The following VPS37A variants were observed in gnomAD, a reference collection of about 807,000 sequenced individuals.
VPS37A encodes vacuolar protein sorting-associated protein 37A.
A neutral mutation model predicts 49.8 loss-of-function variants in VPS37A; 30 were observed. The observed-to-expected ratio is 0.60, with a 90% CI of 0.45 to 0.82. VPS37A has a LOEUF of 0.82. Among genes scored for constraint, VPS37A ranks in the 40% least tolerant of loss-of-function variants. VPS37A has a pLI of 0.00. For synonymous variants in VPS37A, 195 were observed against 160.6 expected, an observed-to-expected ratio of 1.21 and a Z score of -1.62; for missense variants, 593 against 464.4, an observed-to-expected ratio of 1.28 and a Z score of -2.55.
the VPS37A span, among the ~76,000 whole-genome samples, chr8:17,311,065 A>T: frequency 6.6e-6 from 1 of 152,186 alleles, no homozygotes; most frequent in Non-Finnish European, 1.5e-5. Context: ...AGGACTACTT[A>T]AAAAACATAC....
At position 17,247,293 on chromosome 8, in the gene VPS37A, G is replaced by A. The variant is rs934957631; in HGVS notation, c.49G>A (p.Gly17Arg). The A allele has an allele frequency of 6.4e-7, 1 of 1,565,554 alleles. No homozygotes were observed. The highest frequency in any genetic ancestry group is 8.7e-7 in the Non-Finnish European group (1 of 1,155,184). Residue 17 changes from glycine to arginine, a missense_variant, in exon 1 of 12, where the codon GGG (glycine) becomes AGG (arginine). Coordinates refer to ENST00000324849, the MANE Select transcript of VPS37A (RefSeq NM_152415.3). Reference protein sequence around the residue: ...LTKSASSSAAGSPGGLTSLQQ... With the variant: ...LTKSASSSAARSPGGLTSLQQ... ...CAAGAGCGCCTCCTCCTCCGCGGCTGGGTCCCCCGGTGGCCTCACCAGCCT... is the reference window on the plus strand; with the variant it reads ...CAAGAGCGCCTCCTCCTCCGCGGCTAGGTCCCCCGGTGGCCTCACCAGCCT...
downstream of VPS37A, chr8:17,300,010 C>G (rs748601938): frequency 3.7e-6 from 6 of 1,614,008 alleles, no homozygotes; most frequent in Non-Finnish European, 5.1e-6. Flanking sequence ...TGGATCTGAA[C>G]TTTTCAGATT....
At chr8:17,267,903 G>A (rs1307814980) in intron 2 of VPS37A, among the ~76,000 whole-genome samples, 1 of 152,036 alleles carries the variant, frequency 6.6e-6, no homozygotes, top group African/African-American at 2.4e-5. Context: ...TAGCCAGACT[G>A]GACTAGTATG....
intron 4 of VPS37A, chr8:17,272,161 C>T (rs1198925655): frequency 4.5e-6 from 2 of 445,542 alleles, no homozygotes; most frequent in Non-Finnish European, 9.0e-6. Context: ...CTCAAAGGCC[C>T]ACCAGGCTCC....
At chr8:17,247,463 C>A (rs1326675559) in intron 1 of VPS37A, 94 bp downstream of exon 1, 1 of 1,472,486 alleles carries the variant, frequency 6.8e-7, no homozygotes, top group Non-Finnish European at 9.1e-7. Flanking sequence ...CTGCTCCCCA[C>A]CAGCTCCTCA....
At position 17,247,805 on chromosome 8, in the gene VPS37A, C is replaced by A. The variant is rs909036142; in HGVS notation, c.125+436C>A. 1.6e-5 allele frequency: 11 copies of A among 701,458 alleles called. No individual in the cohort carries two copies. In the Admixed American group the frequency reaches 2.2e-4, roughly 14 times the overall value. 43.5% of individuals were successfully genotyped at this position (701,458 alleles called of 1,614,324 possible). A position where few individuals can be genotyped will look rare whatever the true frequency, so the allele number is the denominator to read the frequency against. The stretch of plus-strand genomic sequence containing the variant: ...ATGGAAAATAGAACTGTTGCAACAT[C>A]AAAGGAAAGGGAAGCCAGAGTTTTC... On this transcript the variant is annotated intron_variant, in intron 1 of 11. Coordinates refer to ENST00000324849, the MANE Select transcript of VPS37A (RefSeq NM_152415.3).
chr8:17,293,941 T>C (rs1020402256), intron 11 of VPS37A, among the ~76,000 whole-genome samples: 3 of 152,210 alleles, frequency 2.0e-5, no homozygotes, highest in African/African-American at 4.8e-5. Context: ...AGAGAACCAC[T>C]TGAGGAGGCA....
the VPS37A span, chr8:17,313,496 GTTGTA>G: frequency 1.3e-6 from 1 of 745,886 alleles, no homozygotes; most frequent in Non-Finnish European, 2.2e-6. Flanking sequence ...TGATTCCTTT[GTTGTA>G]TTAGGTATTT....
In VPS37A at chr8:17,286,370, G is replaced by C; in HGVS notation, c.1137G>C (p.Lys379Asn). The part of the protein sequence containing the change: ...KRTICHCRRA[K>N]EEKLQQAIAM... ...AGATTTGCCACTGTAGAAGAGCCAA[G>C]GAAGAGAAACTTCAGCAGGCGATAG... is the stretch of plus-strand genomic sequence containing the variant. The change falls in exon 11 of 12, where the codon AAG (lysine) becomes AAC (asparagine). Residue 379 changes from lysine to asparagine, a missense_variant. By Grantham distance (94) the Lys-to-Asn change is moderately conservative (BLOSUM62 0). Coordinates refer to ENST00000324849, the MANE Select transcript of VPS37A (RefSeq NM_152415.3). The C allele has an allele frequency of 1.2e-6, 2 of 1,613,766 alleles. No homozygotes were observed. The highest frequency in any genetic ancestry group is 1.7e-6 in the Non-Finnish European group (2 of 1,179,854).
rs566941630 is a variant in VPS37A at position 17,247,602 on chromosome 8, T to A, written c.125+233T>A. ...CTCAGCGCTTCTAACTCGGATTTCC[T>A]CATCCCTCCTGACACATAGCTGCTG... On this transcript the variant is annotated intron_variant, in intron 1 of 11. Coordinates refer to ENST00000324849, the MANE Select transcript of VPS37A (RefSeq NM_152415.3). 1,017 of 711,672 alleles carry A rather than the reference T, an allele frequency of 1.4e-3. 2 individuals carry two copies. Among genetic ancestry groups the A allele is most frequent in the Non-Finnish European group, 2.2e-3 (871 of 393,544 alleles). 44.1% of individuals were successfully genotyped at this position (711,672 alleles called of 1,614,324 possible). A position where few individuals can be genotyped will look rare whatever the true frequency, so the allele number is the denominator to read the frequency against.
the VPS37A span, among the ~76,000 whole-genome samples, chr8:17,326,684 G>C: frequency 3.3e-5 from 5 of 152,198 alleles, no homozygotes; most frequent in Non-Finnish European, 4.4e-5. Flanking sequence ...CAGCCAACAT[G>C]TGGGGCCCTC....
intron 1 of VPS37A, among the ~76,000 whole-genome samples, chr8:17,251,388 G>A (rs1811958900): frequency 6.6e-6 from 1 of 152,184 alleles, no homozygotes; most frequent in African/African-American, 2.4e-5. Flanking sequence ...CTGTCATGCA[G>A]GATTTTTGAT....
chr8:17,286,868 C>A (rs769833272), intron 11 of VPS37A, among the ~76,000 whole-genome samples: 1 of 152,128 alleles, frequency 6.6e-6, no homozygotes, highest in Non-Finnish European at 1.5e-5. Flanking sequence ...GGGTTCTCTT[C>A]CTATGCAGCA....
chr8:17,302,288 G>C (rs1262081685), downstream of VPS37A: 5 of 1,612,116 alleles, frequency 3.1e-6, no homozygotes, highest in East Asian at 4.5e-5. Context: ...AACCTGGAAA[G>C]GATGGCAAAG....
In VPS37A at chr8:17,297,347, C is replaced by T. The variant is rs1013011679; in HGVS notation, c.*2361C>T. 1 of 147,706 alleles carries T rather than the reference C, an allele frequency of 6.8e-6. No individual in the cohort carries two copies. Among genetic ancestry groups the T allele is most frequent in the Non-Finnish European group, 1.5e-5 (1 of 65,100 alleles). 9.1% of individuals were successfully genotyped at this position (147,706 alleles called of 1,614,324 possible). On this transcript the variant is annotated 3_prime_UTR_variant, in exon 12 of 12. Transcript: ENST00000324849. Reference sequence around the variant, plus strand: ...AGAAATTTCTAGGCATAAATTGAGACTAGGAAATTTATATCAGAATAGAGG... The same window carrying T: ...AGAAATTTCTAGGCATAAATTGAGATTAGGAAATTTATATCAGAATAGAGG...
At chr8:17,287,432 T>A (rs768335040) in intron 11 of VPS37A, among the ~76,000 whole-genome samples, 1 of 152,152 alleles carries the variant, frequency 6.6e-6, no homozygotes, top group African/African-American at 2.4e-5. Flanking sequence ...CCCAGCACTT[T>A]GGGAGGCCGA....
At chr8:17,323,893 A>C in the VPS37A span, among the ~76,000 whole-genome samples, 1 of 152,220 alleles carries the variant, frequency 6.6e-6, no homozygotes, top group Non-Finnish European at 1.5e-5. Context: ...AAAATCTGCC[A>C]TCTTGGTTAA....
intron 1 of VPS37A, among the ~76,000 whole-genome samples, chr8:17,254,672 C>T (rs531592873): frequency 1.3e-5 from 2 of 150,970 alleles, no homozygotes; most frequent in East Asian, 3.9e-4. Context: ...ACATGTAATC[C>T]TTTCTGTTTG....
In VPS37A at chr8:17,284,485, A is replaced by C. The variant is rs1396598161; in HGVS notation, c.982A>C (p.Ser328Arg). ...QHELSESCSA[S>R]ALQARLKVAA... ...TTTTCTTTTTCAGAGCTGTAGTGCA[A>C]GTGCCCTTCAGGCAAGATTGAAAGT... Residue 328 changes from serine to arginine, a missense_variant, in exon 10 of 12, where the codon AGT becomes CGT. Coordinates refer to ENST00000324849, the MANE Select transcript of VPS37A (RefSeq NM_152415.3). 3 of 1,586,190 alleles carry C rather than the reference A, an allele frequency of 1.9e-6. No homozygotes were observed. The African/African-American group carries it at 4.1e-5, about 22-fold the overall frequency.
Sources: allele counts gnomAD v4.1 joint callset (sites outside exome capture counted in the v4.1 genomes callset), GRCh38; gene constraint gnomAD v4.1.1; transcripts MANE v1.5; gene names NCBI Gene and HGNC (gene_info 2026-07-23, HGNC 2026-07-21).